Variants in ANKRD28 observed in about 807,000 individuals in gnomAD.
ANKRD28 encodes the protein serine/threonine-protein phosphatase 6 regulatory ankyrin repeat subunit A.
Under a neutral mutation model 126.5 loss-of-function variants are expected in ANKRD28, and 44 were observed. The ratio of observed to expected loss-of-function variants is 0.35; its 90% confidence interval spans 0.27 to 0.45. ANKRD28 has a LOEUF of 0.45. Ranked by LOEUF, ANKRD28 falls within the 20% of genes least tolerant of loss-of-function variation. The probability of loss-of-function intolerance (pLI) is 1.00; values close to 1 mark genes in which losing one functional copy is unlikely to be tolerated. For missense variants in ANKRD28, 1,110 were observed against 1,316.6 expected (o/e 0.84, Z 2.43); for synonymous variants, 442 against 468.5 (o/e 0.94, Z 0.73).
intron 1 of ANKRD28, among the ~76,000 whole-genome samples, chr3:15,835,446 A>G (rs1387904504): frequency 6.6e-6 from 1 of 152,188 alleles, no homozygotes; most frequent in African/African-American, 2.4e-5. Context: ...ATCAACAACA[A>G]CAACAAAAAA....
chr3:15,712,842 A>C (rs2072497189), intron 10 of ANKRD28, among the ~76,000 whole-genome samples: 1 of 152,238 alleles, frequency 6.6e-6, no homozygotes, highest in Non-Finnish European at 1.5e-5. Context: ...CTAAATTAAT[A>C]AGCTCATGTA....
exon 1 of ANKRD28, chr3:15,859,443 CGCCGCT>C (rs760404294): frequency 3.4e-6 from 5 of 1,478,972 alleles, no homozygotes; most frequent in East Asian, 5.4e-5. Flanking sequence ...CCTCCTCCTC[CGCCGCT>C]GCCGCTGCCG....
intron 27 of ANKRD28, among the ~76,000 whole-genome samples, chr3:15,670,862 A>G (rs145851111): frequency 0.012 from 1,894 of 152,378 alleles, 17 homozygotes; most frequent in Middle Eastern, 0.027. Context: ...CTGGGCTAGA[A>G]TAAGAAAAAC....
At chr3:15,724,361 C>T in intron 7 of ANKRD28, 21 bp downstream of exon 7, 2 of 1,579,650 alleles carry the variant, frequency 1.3e-6, no homozygotes, top group South Asian at 1.2e-5. Context: ...TAATTTTATA[C>T]TGTTCAATTA....
At chr3:15,775,352 T>C (rs2059209230) in intron 2 of ANKRD28, among the ~76,000 whole-genome samples, 1 of 152,222 alleles carries the variant, frequency 6.6e-6, no homozygotes, top group African/African-American at 2.4e-5. Flanking sequence ...ACAAAACTGA[T>C]ACTTGATGTG....
intron 13 of ANKRD28, among the ~76,000 whole-genome samples, chr3:15,708,508 T>A (rs1037161283): frequency 6.6e-6 from 1 of 152,106 alleles, no homozygotes; most frequent in African/African-American, 2.4e-5. Context: ...TTAAAAAAAA[T>A]GTAATTAACC....
chr3:15,859,247 C>A (rs2126016314), intron 1 of ANKRD28: 2 of 1,358,710 alleles, frequency 1.5e-6, no homozygotes, highest in East Asian at 6.2e-5. Flanking sequence ...GCGCAGGTCC[C>A]CGGGGCAGGA....
chr3:15,852,611 A>G (rs1263171495), intron 1 of ANKRD28, among the ~76,000 whole-genome samples: 1 of 152,124 alleles, frequency 6.6e-6, no homozygotes, highest in Non-Finnish European at 1.5e-5. Flanking sequence ...AGGCGGGCGG[A>G]TCACGAGGTC....
chr3:15,825,464 G>C lies in ANKRD28; in HGVS notation c.28-30158C>G, dbSNP rs1439738919. Among the ~76,000 whole-genome samples the C allele has an allele frequency of 2.0e-5, 3 of 152,144 alleles. No individual in the cohort carries two copies. In the East Asian group the frequency reaches 5.8e-4, roughly 29 times the overall value. ...GAGTAAAGAGCCAATTCGGGGCGGTGGGGGAGGAAGGCTGAACTGCACATC... is the reference window on the plus strand; with the variant it reads ...GAGTAAAGAGCCAATTCGGGGCGGTCGGGGAGGAAGGCTGAACTGCACATC... On this transcript the variant is annotated intron_variant, in intron 1 of 27. Transcript: ENST00000399451.
In ANKRD28 at chr3:15,797,114, C is replaced by CA. The variant is rs2060309847; in HGVS notation, c.-594dup. 1 of 978,702 alleles carries CA rather than the reference C, an allele frequency of 1.0e-6. No individual in the cohort carries two copies. Among genetic ancestry groups the CA allele is most frequent in the Non-Finnish European group, 1.2e-6 (1 of 828,794 alleles). The allele number at this position is 978,702 out of a possible 1,614,324, so 60.6% of individuals were successfully genotyped here. A position where few individuals can be genotyped will look rare whatever the true frequency, so the allele number is the denominator to read the frequency against. ...ACTGGTTTAATGCAGATACTATTCA[C>CA]AGAAAAAAGATCTAGAGCTCAGCAC... On this transcript the variant is annotated 5_prime_UTR_variant, in exon 1 of 28. Coordinates refer to ENST00000683139, the MANE Select transcript of ANKRD28 (RefSeq NM_001349278.2).
rs1429952447 is a variant in ANKRD28 at position 15,853,414 on chromosome 3, TCTAA to T, written c.27+5959_27+5962del. 5.9e-5 allele frequency among the ~76,000 whole-genome samples: 9 copies of T among 152,150 alleles called. No individual in the cohort carries two copies. The highest frequency in any genetic ancestry group is 1.3e-4 in the Non-Finnish European group (9 of 68,022). On this transcript the variant is annotated intron_variant, in intron 1 of 27. Coordinates refer to the ANKRD28 transcript ENST00000399451. This position sits in a 1 kb window ranked among gnomAD's most constrained non-coding sequence, Gnocchi z 4.2. ...AAATGCTGAAAAAATGTATCCAAAA[TCTAA>T]CTATTTGGGTTATCTGCTCTTTAAC...
At chr3:15,850,183 C>A (rs2061607143) in intron 1 of ANKRD28, among the ~76,000 whole-genome samples, 2 of 64,740 alleles carry the variant, frequency 3.1e-5, no homozygotes, top group Non-Finnish European at 5.8e-5. Context: ...TGGGTATCTA[C>A]ATGCAATAAA....
chr3:15,676,113 C>T (rs2066909238), intron 26 of ANKRD28, 124 bp from the exon 27 acceptor site: 1 of 636,800 alleles, frequency 1.6e-6, no homozygotes, highest in Non-Finnish European at 2.6e-6. Context: ...ACTCGAGAAA[C>T]CTAGTCCTAA....
At chr3:15,773,840 C>T (rs11916327) in intron 2 of ANKRD28, among the ~76,000 whole-genome samples, 145 of 152,054 alleles carry the variant, frequency 9.5e-4, no homozygotes, top group Middle Eastern at 3.4e-3. Flanking sequence ...CTAAAATTTA[C>T]GTAGAAAGAC....
intron 4 of ANKRD28, among the ~76,000 whole-genome samples, chr3:15,744,819 C>T (rs1244897435): frequency 6.6e-6 from 1 of 152,102 alleles, no homozygotes; most frequent in Non-Finnish European, 1.5e-5. Flanking sequence ...AATTTCCACA[C>T]TGTTTTCCAT....
At chr3:15,692,274 C>A (rs2068912444) in intron 17 of ANKRD28, among the ~76,000 whole-genome samples, 1 of 151,926 alleles carries the variant, frequency 6.6e-6, no homozygotes, top group East Asian at 1.9e-4. Context: ...AACAGTGAGA[C>A]CTTGTCTCTA....
At chr3:15,791,265 AC>A (rs1369865103) in intron 2 of ANKRD28, among the ~76,000 whole-genome samples, 1 of 152,018 alleles carries the variant, frequency 6.6e-6, no homozygotes, top group Non-Finnish European at 1.5e-5. Context: ...TAGAAAAAAT[AC>A]TAAAATTTAT....
intron 2 of ANKRD28, among the ~76,000 whole-genome samples, chr3:15,769,790 A>G (rs2058911812): frequency 6.6e-6 from 1 of 152,200 alleles, no homozygotes; most frequent in African/African-American, 2.4e-5. Flanking sequence ...ACTACTGAAA[A>G]AAGGGAAGTG....
exon 1 of ANKRD28, chr3:15,859,387 A>T: frequency 6.5e-7 from 1 of 1,528,580 alleles, no homozygotes; most frequent in Non-Finnish European, 8.8e-7. Flanking sequence ...CTGGTCACGG[A>T]GTTTGAGGAA....
Sources: allele counts gnomAD v4.1 joint callset (sites outside exome capture counted in the v4.1 genomes callset), GRCh38; gene constraint gnomAD v4.1.1; non-coding constraint Gnocchi (gnomAD v3.1); transcripts MANE v1.5; gene names NCBI Gene and HGNC (gene_info 2026-07-23, HGNC 2026-07-21).